CYB5RL: variants seen among roughly 807,000 people sequenced by gnomAD.
CYB5RL encodes cytochrome b5 reductase like.
CYB5RL carries 38 observed loss-of-function variants against 37.5 expected under a neutral mutation model. The ratio of observed to expected loss-of-function variants is 1.01; its 90% CI spans 0.78 to 1.33. The LOEUF (loss-of-function observed/expected upper bound fraction) is 1.33, where lower values mean the gene tolerates loss of function less well. Among genes scored for constraint, CYB5RL ranks in the 40% most tolerant of loss-of-function variants. The pLI, the probability that CYB5RL is intolerant of heterozygous loss-of-function variation, is 0.00. For missense variants in CYB5RL, 388 were observed against 394.4 expected, an observed-to-expected ratio of 0.98 and a Z score of 0.14; for synonymous variants, 141 against 151.9, an observed-to-expected ratio of 0.93 and a Z score of 0.53.
intron 1 of CYB5RL, among the ~76,000 whole-genome samples, chr1:54,197,320 T>TC (rs1347653726): frequency 1.4e-5 from 2 of 146,998 alleles, no homozygotes; most frequent in East Asian, 4.0e-4. Context: ...TTCTTTTCTT[T>TC]TTTTTTTTTT....
chr1:54,197,317 C>CTTT (rs766084507), intron 1 of CYB5RL, among the ~76,000 whole-genome samples: 1,679 of 123,950 alleles, frequency 0.014, 54 homozygotes, highest in African/African-American at 0.048. Context: ...CTTTTCTTTT[C>CTTT]TTTTTTTTTT....
intron 4 of CYB5RL, among the ~76,000 whole-genome samples, chr1:54,190,179 T>G (rs1643938100): frequency 6.6e-6 from 1 of 152,076 alleles, no homozygotes; most frequent in Non-Finnish European, 1.5e-5. Context: ...AGTGCCTAAG[T>G]AGGCTGGGAG....
At chr1:54,179,026 A>T in intron 7 of CYB5RL, 123 bp downstream of exon 7, 1 of 1,150,280 alleles carries the variant, frequency 8.7e-7, no homozygotes, top group Non-Finnish European at 1.3e-6. Context: ...TGGGTGCTCC[A>T]CCAGTGGCAG....
At chr1:54,189,210 A>ATAAG (rs1643927906) in intron 4 of CYB5RL, among the ~76,000 whole-genome samples, 1 of 151,722 alleles carries the variant, frequency 6.6e-6, no homozygotes, top group African/African-American at 2.4e-5. Context: ...AAATAAATAA[A>ATAAG]TGCATATGAA....
At chr1:54,189,465 G>C (rs1643930996) in intron 4 of CYB5RL, among the ~76,000 whole-genome samples, 1 of 152,154 alleles carries the variant, frequency 6.6e-6, no homozygotes, top group Non-Finnish European at 1.5e-5. Flanking sequence ...GCAGGGGTGG[G>C]TTGGCAAAGG....
intron 7 of CYB5RL, among the ~76,000 whole-genome samples, chr1:54,175,881 C>T (rs1229384833): frequency 1.3e-5 from 2 of 152,116 alleles, no homozygotes; most frequent in Non-Finnish European, 2.9e-5. Flanking sequence ...ATTTTGCTAT[C>T]TGCAGGGGGT....
chr1:54,197,917 A>T (rs902069627), intron 1 of CYB5RL, among the ~76,000 whole-genome samples: 8 of 150,526 alleles, frequency 5.3e-5, no homozygotes, highest in African/African-American at 2.0e-4. Context: ...AGTCCCAGCT[A>T]CTCGGGAGGC....
intron 4 of CYB5RL, 94 bp from the exon 5 acceptor site, chr1:54,187,833 T>A: frequency 9.1e-7 from 1 of 1,098,880 alleles, no homozygotes; most frequent in Non-Finnish European, 1.4e-6. Context: ...CCCCACACTT[T>A]GGGAGGCCGA....
Position 54,171,052 on chromosome 1 carries a change from T to A in CYB5RL, c.*3567A>T, listed in dbSNP as rs115329679. On this transcript the variant is annotated 3_prime_UTR_variant, in exon 8 of 8. Coordinates refer to ENST00000534324, the MANE Select transcript of CYB5RL (RefSeq NM_001031672.4). ...CTCATGCTCACATGCAGATGACACTTATGGGTACAGCGACAGAAAAGCACA... is the reference window on the plus strand; with the variant it reads ...CTCATGCTCACATGCAGATGACACTAATGGGTACAGCGACAGAAAAGCACA... 1,237 of 440,468 alleles carry A rather than the reference T, an allele frequency of 2.8e-3. 17 individuals carry two copies. Among genetic ancestry groups the A allele is most frequent in the African/African-American group, 0.023 (1,153 of 49,874 alleles). The allele number at this position is 440,468 out of a possible 1,614,324, so 27.3% of individuals were successfully genotyped here.
chr1:54,171,197 G>A lies in CYB5RL; in HGVS notation c.*3422C>T, dbSNP rs1274939716. On this transcript the variant is annotated 3_prime_UTR_variant, in exon 8 of 8. Transcript: ENST00000534324. ...AGGCAAAAAAGGTGAGTGGGAGATC[G>A]GAAGGTGGGAGGCTGGCCAGGCAGA... 2.9e-5 allele frequency: 13 copies of A among 456,014 alleles called. No homozygotes were observed. The highest frequency in any genetic ancestry group is 2.8e-4 in the East Asian group (4 of 14,396). The allele number at this position is 456,014 out of a possible 1,614,324, so 28.2% of individuals were successfully genotyped here.
Position 54,171,234 on chromosome 1 carries a change from G to C in CYB5RL, c.*3385C>G. The stretch of plus-strand genomic sequence containing the variant: ...GCTGGCCAGGCAGAGGAAGCAGCGA[G>C]TGTAAGGGATGAGCTGACGCAAGAG... On this transcript the variant is annotated 3_prime_UTR_variant, in exon 8 of 8. Coordinates refer to ENST00000534324, the MANE Select transcript of CYB5RL (RefSeq NM_001031672.4). 2.2e-6 allele frequency: 1 copy of C among 456,186 alleles called. No individual in the cohort carries two copies. Among genetic ancestry groups the C allele is most frequent in the Non-Finnish European group, 4.4e-6 (1 of 226,802 alleles). 28.3% of individuals were successfully genotyped at this position (456,186 alleles called of 1,614,324 possible).
Position 54,174,667 on chromosome 1 carries a change from C to A in CYB5RL, c.900G>T (p.Arg300Ser). The A allele has an allele frequency of 1.2e-6, 2 of 1,613,388 alleles. No individual in the cohort carries two copies. Among genetic ancestry groups the A allele is most frequent in the South Asian group, 1.1e-5 (1 of 90,870 alleles). ...GSAEFTKDIA[R>S]CLLCAGLTED... is the part of the protein sequence containing the mutation. ...CAGTGAGGCCTGCGCACAGTAAGCA[C>A]CTGGCTATGTCTTTGGTGAACTCAG... The change falls in exon 8 of 8, where the codon AGG becomes AGT. Residue 300 changes from arginine (R) to serine (S), a missense_variant. Arg to Ser is a moderately radical substitution (Grantham distance 110, BLOSUM62 -1). Coordinates refer to ENST00000534324, the MANE Select transcript of CYB5RL (RefSeq NM_001031672.4).
intron 6 of CYB5RL, chr1:54,179,839 G>A (rs998806404): frequency 2.4e-6 from 1 of 422,908 alleles, no homozygotes; most frequent in Non-Finnish European, 4.7e-6. Flanking sequence ...GGGTACCTCT[G>A]CAGAGATCTC....
intron 2 of CYB5RL, among the ~76,000 whole-genome samples, chr1:54,196,000 G>A (rs975522808): frequency 2.0e-5 from 3 of 152,150 alleles, no homozygotes; most frequent in African/African-American, 4.8e-5. Context: ...AGCAGGGTGG[G>A]ACCCCCTTGA....
intron 4 of CYB5RL, among the ~76,000 whole-genome samples, chr1:54,188,819 G>A (rs1643924861): frequency 6.6e-6 from 1 of 152,252 alleles, no homozygotes; most frequent in Admixed American, 6.5e-5. Flanking sequence ...CTTCTCTGAG[G>A]TATGCAAAGA....
At position 54,179,959 on chromosome 1, in the gene CYB5RL, T is replaced by A. The variant is rs143401401; in HGVS notation, c.541-607A>T. 146 of 453,930 alleles carry A rather than the reference T, an allele frequency of 3.2e-4. No individual in the cohort carries two copies. The East Asian group carries it at 6.7e-3, about 21-fold the overall frequency. The allele number at this position is 453,930 out of a possible 1,614,324, so 28.1% of individuals were successfully genotyped here. On this transcript the variant is annotated intron_variant, in intron 6 of 7. Transcript: ENST00000534324. ...AAAAGAGTCACTTGAAAAAGGTGAG[T>A]TCCCGGCCAGGAGTGGTGGCTCACA... is the stretch of plus-strand genomic sequence containing the variant.
chr1:54,187,793 A>G lies in CYB5RL; in HGVS notation c.348-54T>C, dbSNP rs1021664210. ...GCCAGTCATTCAGCAAACCCTTTTA[A>G]GGCTGGGCACGGTGGCTCATGTCTG... On this transcript the variant is annotated intron_variant, in intron 4 of 7. Transcript: ENST00000534324. The G allele has an allele frequency of 2.9e-5, 44 of 1,528,160 alleles. 1 individual carries two copies. The South Asian group carries it at 4.9e-4, about 17-fold the overall frequency. 94.7% of individuals were successfully genotyped at this position (1,528,160 alleles called of 1,614,324 possible).
intron 6 of CYB5RL, among the ~76,000 whole-genome samples, chr1:54,179,789 C>G (rs933400239): frequency 6.6e-6 from 1 of 152,188 alleles, no homozygotes; most frequent in East Asian, 1.9e-4. Flanking sequence ...ACTCCCAATG[C>G]CATTCCAGCC....
At chr1:54,191,440 C>T (rs1488866534) in intron 3 of CYB5RL, among the ~76,000 whole-genome samples, 2 of 152,162 alleles carry the variant, frequency 1.3e-5, no homozygotes, top group South Asian at 2.1e-4. Flanking sequence ...GAAACTGAGG[C>T]CTGAGTTGAG....
Sources: gnomAD v4.1 joint callset for allele counts (sites outside exome capture counted in the v4.1 genomes callset) on GRCh38, gnomAD v4.1.1 for gene constraint, MANE v1.5 for transcripts, NCBI Gene and HGNC (gene_info 2026-07-23, HGNC 2026-07-21) for gene names.